The following PHACTR3 variants were observed in gnomAD, a reference collection of about 807,000 sequenced individuals.
The protein encoded by PHACTR3 is protein phosphatase 1, regulatory subunit 123.
In PHACTR3, 16 loss-of-function variants were observed where a neutral mutation model predicts 66.8. The ratio of observed to expected loss-of-function variants is 0.24; its 90% confidence interval spans 0.16 to 0.36. PHACTR3 has a LOEUF of 0.36. PHACTR3 is among the 10% of genes least tolerant of loss of function. The probability of loss-of-function intolerance (pLI) is 1.00; values close to 1 mark genes in which losing one functional copy is unlikely to be tolerated. For missense variants in PHACTR3, 647 were observed against 719.9 expected, an observed-to-expected ratio of 0.90 and a Z score of 1.16; for synonymous variants, 323 against 292.1, an observed-to-expected ratio of 1.11 and a Z score of -1.08.
At chr20:59,599,117 C>T (rs1238500147) in intron 1 of PHACTR3, among the ~76,000 whole-genome samples, 1 of 152,220 alleles carries the variant, frequency 6.6e-6, no homozygotes, top group Admixed American at 6.5e-5. Context: ...GGAGCATGAG[C>T]CCCTCAGTCC....
At chr20:59,682,232 C>T (rs1055818032) in intron 1 of PHACTR3, among the ~76,000 whole-genome samples, 6 of 152,144 alleles carry the variant, frequency 3.9e-5, no homozygotes, top group South Asian at 2.1e-4. Flanking sequence ...CCCAGCTACT[C>T]GGCAGGCTGA....
chr20:59,617,732 T>A (rs992190844), intron 1 of PHACTR3, among the ~76,000 whole-genome samples: 2 of 151,994 alleles, frequency 1.3e-5, no homozygotes, highest in African/African-American at 4.8e-5. Flanking sequence ...CAATTGAGAG[T>A]CTGAGTAGAA....
At chr20:59,587,796 G>A (rs2033078095) in intron 1 of PHACTR3, among the ~76,000 whole-genome samples, 1 of 152,204 alleles carries the variant, frequency 6.6e-6, no homozygotes, top group Admixed American at 6.5e-5. Context: ...GGTCATTTTG[G>A]TTCTCAGCTG....
At chr20:59,827,506 C>T (rs1009747357) in intron 8 of PHACTR3, among the ~76,000 whole-genome samples, 3 of 152,132 alleles carry the variant, frequency 2.0e-5, no homozygotes, top group Non-Finnish European at 4.4e-5. Context: ...CTTGCGGAGC[C>T]CAGGGCACAG....
intron 1 of PHACTR3, among the ~76,000 whole-genome samples, chr20:59,646,014 C>T (rs2035271562): frequency 6.6e-6 from 1 of 152,208 alleles, no homozygotes; most frequent in African/African-American, 2.4e-5. Context: ...TGGCAGGTGG[C>T]AAGGGTTGTA....
chr20:59,840,247 TGTGGAATTAACTTCA>T (rs1426685234), intron 9 of PHACTR3, 107 bp from the exon 10 acceptor site: 1 of 1,421,624 alleles, frequency 7.0e-7, no homozygotes, highest in African/African-American at 1.4e-5. Flanking sequence ...CCATGAGTGA[TGTGGAATTAACTTCA>T]GCTCCCAGAA....
chr20:59,582,363 C>T lies in PHACTR3; in HGVS notation c.109+4746C>T, dbSNP rs575877672. Reference sequence around the variant, plus strand: ...TTCTGCTACCGATGGCCATGGAGGTCCCTCTCAGATCCTGTCACAGGCTGT... The same window carrying T: ...TTCTGCTACCGATGGCCATGGAGGTTCCTCTCAGATCCTGTCACAGGCTGT... On this transcript the variant is annotated intron_variant, in intron 1 of 12. Transcript: ENST00000359926. 7.2e-5 allele frequency among the ~76,000 whole-genome samples: 11 copies of T among 152,330 alleles called. 1 individual carries two copies. The South Asian group carries it at 2.3e-3, about 32-fold the overall frequency.
At chr20:59,712,540 C>T (rs555718308) in intron 1 of PHACTR3, among the ~76,000 whole-genome samples, 1 of 152,286 alleles carries the variant, frequency 6.6e-6, no homozygotes, top group Non-Finnish European at 1.5e-5. Flanking sequence ...GTTGCAAATG[C>T]CTTTAACTCT....
chr20:59,626,876 A>C (rs1442871859), intron 1 of PHACTR3: 2 of 152,220 alleles, frequency 1.3e-5, no homozygotes, highest in Non-Finnish European at 2.9e-5. Flanking sequence ...CTGTGGCTTC[A>C]ATCAACCAGC....
At chr20:59,584,000 A>T (rs1258792717) in intron 1 of PHACTR3, among the ~76,000 whole-genome samples, 1 of 152,228 alleles carries the variant, frequency 6.6e-6, no homozygotes, top group African/African-American at 2.4e-5. Context: ...AGTGGGCCAG[A>T]CCGGTGGGCT....
chr20:59,604,086 G>T (rs2033569560), upstream of PHACTR3: 1 of 153,360 alleles, frequency 6.5e-6, no homozygotes, highest in African/African-American at 2.4e-5. Context: ...AGGGAGGAGG[G>T]TTCGGAGCGA....
At chr20:59,635,143 CTTT>C (rs2034818772) in intron 1 of PHACTR3, among the ~76,000 whole-genome samples, 4 of 66,264 alleles carry the variant, frequency 6.0e-5, no homozygotes, top group African/African-American at 1.2e-4. Flanking sequence ...TTCTTTCTTT[CTTT>C]CTTTTTCTTT....
chr20:59,752,036 G>A (rs888975688), intron 3 of PHACTR3, among the ~76,000 whole-genome samples: 8 of 152,146 alleles, frequency 5.3e-5, no homozygotes, highest in African/African-American at 1.4e-4. Context: ...TTCCTACCCC[G>A]TCATTGGGTA....
intron 1 of PHACTR3, chr20:59,626,911 G>A (rs1403625805): frequency 6.6e-6 from 1 of 152,256 alleles, no homozygotes; most frequent in Non-Finnish European, 1.5e-5. Flanking sequence ...GCGCTGTATT[G>A]GAGCAGGTGG....
At chr20:59,832,615 C>T (rs752339) in intron 8 of PHACTR3, among the ~76,000 whole-genome samples, 3,080 of 152,208 alleles carry the variant, frequency 0.02, 125 homozygotes, top group African/African-American at 0.068. Context: ...GGCACGCCCA[C>T]ACCCCATCTC....
At chr20:59,637,985 C>G (rs1409330163) in intron 1 of PHACTR3, among the ~76,000 whole-genome samples, 1 of 152,156 alleles carries the variant, frequency 6.6e-6, no homozygotes, top group Non-Finnish European at 1.5e-5. Flanking sequence ...GAAACTAAAG[C>G]TCAGGGAAGT....
At chr20:59,766,599 G>T (rs1337751571) in intron 4 of PHACTR3, among the ~76,000 whole-genome samples, 1 of 152,096 alleles carries the variant, frequency 6.6e-6, no homozygotes, top group Non-Finnish European at 1.5e-5. Context: ...GTTCTGGGTG[G>T]CCTGACCCTT....
chr20:59,773,232 C>G, intron 5 of PHACTR3, 47 bp from the exon 6 acceptor site: 1 of 1,577,516 alleles, frequency 6.3e-7, no homozygotes. Flanking sequence ...ACCCTTGGTC[C>G]CAGCTCCTGA....
At chr20:59,632,999 C>G (rs2034721388) in intron 1 of PHACTR3, among the ~76,000 whole-genome samples, 1 of 152,130 alleles carries the variant, frequency 6.6e-6, no homozygotes, top group African/African-American at 2.4e-5. Flanking sequence ...TTCCGTCCCC[C>G]ACCTTGATCC....
Sources: allele counts gnomAD v4.1 joint callset (sites outside exome capture counted in the v4.1 genomes callset), GRCh38; gene constraint gnomAD v4.1.1; transcripts MANE v1.5; gene names NCBI Gene and HGNC (gene_info 2026-07-23, HGNC 2026-07-21).